Variants in TASP1 observed in about 807,000 individuals in gnomAD.
The protein encoded by TASP1 is threonine aspartase 1.
A neutral mutation model predicts 56.6 loss-of-function variants in TASP1; 16 were observed. That is an observed-to-expected ratio of 0.28 (90% CI 0.19 to 0.43). The LOEUF (loss-of-function observed/expected upper bound fraction) is 0.43. Among genes scored for constraint, TASP1 ranks in the 20% least tolerant of loss-of-function variants. The pLI is 1.00. For synonymous variants in TASP1, 179 were observed against 184.2 expected (o/e 0.97, Z 0.23); for missense variants, 393 against 511.6 (o/e 0.77, Z 2.24).
At chr20:13,627,866 A>G (rs2048952372) in intron 2 of TASP1, among the ~76,000 whole-genome samples, 1 of 152,150 alleles carries the variant, frequency 6.6e-6, no homozygotes, top group South Asian at 2.1e-4. Context: ...AGACCAAACA[A>G]CACCAGAGAT....
At chr20:13,197,164 C>T in the TASP1 span, among the ~76,000 whole-genome samples, 21 of 152,324 alleles carry the variant, frequency 1.4e-4, no homozygotes, top group East Asian at 3.9e-3. Flanking sequence ...AGAACTTGTT[C>T]ACTGGCCATT....
chr20:13,613,273 G>C (rs2147454833), intron 4 of TASP1, among the ~76,000 whole-genome samples: 1 of 152,228 alleles, frequency 6.6e-6, no homozygotes, highest in South Asian at 2.1e-4. Context: ...TGGGACTACA[G>C]AAAGCAAGGT....
the TASP1 span, among the ~76,000 whole-genome samples, chr20:13,229,907 C>T: frequency 7.6e-4 from 116 of 152,264 alleles, no homozygotes; most frequent in Non-Finnish European, 1.3e-3. Flanking sequence ...CTTCTACCTC[C>T]TCCATAGAAT....
At chr20:13,214,556 CACACACAG>C in the TASP1 span, among the ~76,000 whole-genome samples, 6 of 107,754 alleles carry the variant, frequency 5.6e-5, no homozygotes, top group Admixed American at 9.2e-5. Flanking sequence ...CACACACACA[CACACACAG>C]AGAGAGAGAG....
chr20:13,279,795 C>CGACA, the TASP1 span: 1 of 1,614,016 alleles, frequency 6.2e-7, no homozygotes. Flanking sequence ...ACTACAAGTA[C>CGACA]GACAGTACCT....
chr20:13,449,492 A>G (rs1482179542), intron 11 of TASP1, among the ~76,000 whole-genome samples: 1 of 152,140 alleles, frequency 6.6e-6, no homozygotes, highest in Admixed American at 6.6e-5. Flanking sequence ...ATTCCTATGT[A>G]AAATCAGTTT....
intron 10 of TASP1, among the ~76,000 whole-genome samples, chr20:13,517,742 C>G (rs1301886899): frequency 6.6e-6 from 1 of 152,096 alleles, no homozygotes; most frequent in Non-Finnish European, 1.5e-5. Flanking sequence ...CTTAGAAAAT[C>G]ATCTGGCATA....
At chr20:13,600,797 A>G (rs1457229971) in intron 4 of TASP1, among the ~76,000 whole-genome samples, 3 of 152,196 alleles carry the variant, frequency 2.0e-5, no homozygotes, top group Non-Finnish European at 2.9e-5. Flanking sequence ...GCACACATAC[A>G]TACATACATA....
chr20:13,151,104 G>T, the TASP1 span, among the ~76,000 whole-genome samples: 2 of 152,018 alleles, frequency 1.3e-5, no homozygotes, highest in Admixed American at 6.6e-5. Flanking sequence ...GACTCACCTT[G>T]CACTGCCCAC....
At chr20:13,307,437 T>C in the TASP1 span, among the ~76,000 whole-genome samples, 1 of 152,180 alleles carries the variant, frequency 6.6e-6, no homozygotes, top group African/African-American at 2.4e-5. Flanking sequence ...AGGAGCTCTC[T>C]GGGGCTACAG....
chr20:13,443,879 G>A (rs1374027975), intron 11 of TASP1, among the ~76,000 whole-genome samples: 4 of 152,176 alleles, frequency 2.6e-5, no homozygotes, highest in African/African-American at 9.7e-5. Flanking sequence ...GTTAACCCTG[G>A]TATGATCAAC....
intron 11 of TASP1, among the ~76,000 whole-genome samples, chr20:13,467,530 A>G (rs901768073): frequency 6.6e-6 from 1 of 152,110 alleles, no homozygotes; most frequent in Non-Finnish European, 1.5e-5. Flanking sequence ...TTGTCAGTCA[A>G]TTGGTACTTT....
the TASP1 span, among the ~76,000 whole-genome samples, chr20:13,297,152 G>A: frequency 6.6e-5 from 10 of 152,308 alleles, no homozygotes; most frequent in African/African-American, 2.4e-4. Context: ...AGACCTCTGT[G>A]AGTCTTTTCT....
the TASP1 span, among the ~76,000 whole-genome samples, chr20:13,195,872 T>C: frequency 1.3e-5 from 2 of 152,202 alleles, no homozygotes; most frequent in Non-Finnish European, 2.9e-5. Flanking sequence ...TATACCTTTG[T>C]TTCTAGTTAA....
At chr20:13,200,229 A>T in the TASP1 span, among the ~76,000 whole-genome samples, 1 of 152,238 alleles carries the variant, frequency 6.6e-6, no homozygotes, top group Non-Finnish European at 1.5e-5. Context: ...TGTCAATGCC[A>T]AGTGTCAGTT....
intron 2 of TASP1, among the ~76,000 whole-genome samples, chr20:13,628,631 C>T (rs73270742): frequency 4.3e-4 from 66 of 152,298 alleles, no homozygotes; most frequent in African/African-American, 1.5e-3. Context: ...ACACCAGTCT[C>T]ACAAGAAGAA....
chr20:13,217,790 C>T, the TASP1 span, among the ~76,000 whole-genome samples: 2 of 152,220 alleles, frequency 1.3e-5, no homozygotes, highest in East Asian at 3.8e-4. Context: ...GATGTATATA[C>T]TATTATACCA....
intron 11 of TASP1, among the ~76,000 whole-genome samples, chr20:13,444,924 G>T (rs1394063899): frequency 6.6e-6 from 1 of 152,104 alleles, no homozygotes; most frequent in Non-Finnish European, 1.5e-5. Flanking sequence ...CAGCTTATGG[G>T]TATCATCACT....
the TASP1 span, among the ~76,000 whole-genome samples, chr20:13,193,397 G>T: frequency 2.0e-5 from 3 of 152,076 alleles, no homozygotes; most frequent in South Asian, 2.1e-4. Flanking sequence ...TACAATAAAG[G>T]CACAATAGAA....
Sources: gnomAD v4.1 joint callset for allele counts (sites outside exome capture counted in the v4.1 genomes callset) on GRCh38, gnomAD v4.1.1 for gene constraint, MANE v1.5 for transcripts, NCBI Gene and HGNC (gene_info 2026-07-23, HGNC 2026-07-21) for gene names.